The following PREX2 variants were observed in gnomAD, a reference collection of about 807,000 sequenced individuals.
PREX2 encodes the protein phosphatidylinositol-3,4,5-trisphosphate dependent Rac exchange factor 2.
In PREX2, 107 loss-of-function variants were observed where a neutral mutation model predicts 203.2. The ratio of observed to expected loss-of-function variants is 0.53; its 90% CI spans 0.45 to 0.62. The LOEUF is 0.62. Among genes scored for constraint, PREX2 ranks in the 20% least tolerant of loss-of-function variants. The probability of loss-of-function intolerance (pLI) is 0.00; values close to 1 mark genes in which losing one functional copy is unlikely to be tolerated. For synonymous variants in PREX2, 672 were observed against 663.6 expected (o/e 1.01, Z -0.19); for missense variants, 1,777 against 1,955.9 (o/e 0.91, Z 1.72).
intron 34 of PREX2, among the ~76,000 whole-genome samples, chr8:68,150,490 G>A (rs1446069029): frequency 6.6e-6 from 1 of 152,160 alleles, no homozygotes; most frequent in Non-Finnish European, 1.5e-5. Context: ...ACCCTTCTCA[G>A]ACCAGGATTA....
At chr8:68,012,629 T>C (rs1807297977) in intron 1 of PREX2, among the ~76,000 whole-genome samples, 1 of 152,232 alleles carries the variant, frequency 6.6e-6, no homozygotes, top group Non-Finnish European at 1.5e-5. Context: ...TAGATACTAC[T>C]GGACTACTAA....
intron 35 of PREX2, among the ~76,000 whole-genome samples, chr8:68,180,185 T>A (rs1812058013): frequency 6.6e-6 from 1 of 152,116 alleles, no homozygotes; most frequent in Non-Finnish European, 1.5e-5. Flanking sequence ...ACATTCCTTT[T>A]CTCACCCTTA....
intron 23 of PREX2, among the ~76,000 whole-genome samples, chr8:68,100,747 T>TTA (rs1233453975): frequency 6.6e-6 from 1 of 152,174 alleles, no homozygotes; most frequent in African/African-American, 2.4e-5. Context: ...GATTTTATTC[T>TTA]TATATTAATG....
At chr8:68,134,396 C>A in intron 32 of PREX2, 120 bp downstream of exon 32, 1 of 726,896 alleles carries the variant, frequency 1.4e-6, no homozygotes. Flanking sequence ...TGCGTGCATT[C>A]AGCTACTTTA....
At chr8:68,035,886 A>C (rs1808012800) in intron 6 of PREX2, among the ~76,000 whole-genome samples, 1 of 152,176 alleles carries the variant, frequency 6.6e-6, no homozygotes, top group Admixed American at 6.5e-5. Context: ...GACCGAAGTT[A>C]TATGTATATT....
chr8:68,078,776 T>TC (rs1207579370), intron 15 of PREX2, among the ~76,000 whole-genome samples: 4 of 147,458 alleles, frequency 2.7e-5, no homozygotes, highest in African/African-American at 7.6e-5. Flanking sequence ...TTCAAAAGTT[T>TC]CAATTTTTTT....
rs1810955097 is a variant in PREX2 at position 68,129,245 on chromosome 8, C to G, written c.3766+1826C>G. Among the ~76,000 whole-genome samples the G allele has an allele frequency of 2.0e-5, 3 of 152,160 alleles. No homozygotes were observed. In the South Asian group the frequency reaches 6.2e-4, roughly 31 times the overall value. On this transcript the variant is annotated intron_variant, in intron 31 of 39. Coordinates refer to ENST00000288368, the MANE Select transcript of PREX2 (RefSeq NM_024870.4). The stretch of plus-strand genomic sequence containing the variant: ...AATAGTAGGTGGCAGTTTTGAAATT[C>G]AAACTTAGGTTTGCCAATTCCGGAG...
chr8:68,011,729 CT>C (rs1365031908), intron 1 of PREX2, among the ~76,000 whole-genome samples: 1 of 152,052 alleles, frequency 6.6e-6, no homozygotes, highest in Non-Finnish European at 1.5e-5. Flanking sequence ...TTTTTGACCT[CT>C]GCTTTAGACC....
chr8:68,060,722 C>A lies in PREX2; in HGVS notation c.1282C>A (p.Pro428Thr). ...WLLEIGEIHR[P>T]EEGVHLGQAL... ...GTTGGAAATTGGAGAGATTCACAGG[C>A]CTGAGGAAGGCGTGCACTTGGGACA... Residue 428 changes from proline to threonine, a missense_variant, in exon 11 of 40, where the codon CCT becomes ACT. By Grantham distance (38) the Pro-to-Thr change is conservative. Coordinates refer to ENST00000288368, the MANE Select transcript of PREX2 (RefSeq NM_024870.4). 1.2e-6 allele frequency: 2 copies of A among 1,612,864 alleles called. No individual in the cohort carries two copies. The highest frequency in any genetic ancestry group is 1.7e-6 in the Non-Finnish European group (2 of 1,179,522).
In PREX2 at chr8:68,224,604, C is replaced by G; in HGVS notation, c.4753C>G (p.Arg1585Gly). 6.2e-7 allele frequency: 1 copy of G among 1,613,470 alleles called. No homozygotes were observed. Among genetic ancestry groups the G allele is most frequent in the Non-Finnish European group, 8.5e-7 (1 of 1,179,690 alleles). The change falls in exon 39 of 40, where the codon CGG (arginine) becomes GGG (glycine). Residue 1585 changes from arginine to glycine, a missense_variant. Transcript: ENST00000288368. The part of the protein sequence containing the change: ...NTAKNLGVRD[R>G]TPQSAPRLYK... ...AGCGAAGAATTTGGGAGTCAGAGAC[C>G]GGACTCCACAGTCTGCACCAAGGTA...
chr8:68,205,113 A>T (rs1404553133), intron 37 of PREX2, among the ~76,000 whole-genome samples: 1 of 152,212 alleles, frequency 6.6e-6, no homozygotes, highest in Non-Finnish European at 1.5e-5. Flanking sequence ...ATGATCAATC[A>T]TATTGAAAGT....
chr8:68,197,408 A>G (rs988070826), intron 37 of PREX2, among the ~76,000 whole-genome samples: 2 of 151,948 alleles, frequency 1.3e-5, no homozygotes, highest in East Asian at 1.9e-4. Context: ...CTGCTTCCCT[A>G]TGCAAAAGGT....
intron 37 of PREX2, among the ~76,000 whole-genome samples, chr8:68,213,836 A>G (rs1212135981): frequency 6.6e-6 from 1 of 152,202 alleles, no homozygotes; most frequent in Admixed American, 6.5e-5. Flanking sequence ...ATGTCTTATT[A>G]CTAAAATTAA....
At position 67,952,466 on chromosome 8, in the gene PREX2, C is replaced by G; in HGVS notation, c.72C>G (p.Arg24=). Residue 24 remains arginine (R), a synonymous_variant, in exon 1 of 40, where the codon CGC becomes CGG. Transcript: ENST00000288368. ...ACCTGGAGAAGCAGCTTCGCCTGCG[C>G]GTGTGCGTGCTCAGCGAGCTCCAGA... The part of the protein sequence containing the change: ...AKDLEKQLRL[R]VCVLSELQKT... 1 of 1,602,992 alleles carries G rather than the reference C, an allele frequency of 6.2e-7. No homozygotes were observed. Among genetic ancestry groups the G allele is most frequent in the Middle Eastern group, 1.7e-4 (1 of 6,008 alleles).
rs542925752 is a variant in PREX2 at position 68,085,660 on chromosome 8, G to C, written c.2028-2064G>C. ...ATAAACGTAATTCTTTTTTAATAGG[G>C]AATATAATGTTCTCACCAGGGAAAC... On this transcript the variant is annotated intron_variant, in intron 18 of 39. Coordinates refer to ENST00000288368, the MANE Select transcript of PREX2 (RefSeq NM_024870.4). Among the ~76,000 whole-genome samples, 17 of 152,230 alleles carry C rather than the reference G, an allele frequency of 1.1e-4. No individual in the cohort carries two copies. In the South Asian group the frequency reaches 1.7e-3, roughly 15 times the overall value.
In PREX2 at chr8:68,134,118, T is replaced by C. The variant is rs763470420; in HGVS notation, c.3826T>C (p.Cys1276Arg). 6.2e-7 allele frequency: 1 copy of C among 1,614,188 alleles called. No individual in the cohort carries two copies. The highest frequency in any genetic ancestry group is 1.1e-5 in the South Asian group (1 of 91,088). The change falls in exon 32 of 40, where the codon TGT (cysteine) becomes CGT (arginine). Residue 1276 changes from cysteine to arginine, a missense_variant. Transcript: ENST00000288368. Reference sequence around the variant, plus strand: ...CTGCCAGACTCTTGTGGCCACTGTCTGTGCCTTCTCTGAGCAGCTCATGGC... The same window carrying C: ...CTGCCAGACTCTTGTGGCCACTGTCCGTGCCTTCTCTGAGCAGCTCATGGC... ...VFCQTLVATV[C>R]AFSEQLMAAL...
At chr8:68,198,873 T>C (rs1244828024) in intron 37 of PREX2, among the ~76,000 whole-genome samples, 1 of 152,222 alleles carries the variant, frequency 6.6e-6, no homozygotes, top group East Asian at 1.9e-4. Flanking sequence ...TAATAGGTTA[T>C]CAGTGGTGTC....
chr8:68,164,801 C>T (rs184060828), intron 35 of PREX2, among the ~76,000 whole-genome samples: 45 of 151,392 alleles, frequency 3.0e-4, no homozygotes, highest in East Asian at 1.7e-3. Context: ...AGGCTGGTCT[C>T]GAACTCCCAA....
chr8:68,021,516 T>C (rs1170693468), intron 3 of PREX2, among the ~76,000 whole-genome samples: 1 of 152,198 alleles, frequency 6.6e-6, no homozygotes, highest in Non-Finnish European at 1.5e-5. Flanking sequence ...TAGACTGGTG[T>C]ATATGAACTG....
Sources: allele counts gnomAD v4.1 joint callset (sites outside exome capture counted in the v4.1 genomes callset), GRCh38; gene constraint gnomAD v4.1.1; transcripts MANE v1.5; gene names NCBI Gene and HGNC (gene_info 2026-07-23, HGNC 2026-07-21).